SGCD: variants seen among roughly 807,000 people sequenced by gnomAD.
The protein encoded by SGCD is delta-sarcoglycan.
Under a neutral mutation model 36.6 loss-of-function variants are expected in SGCD, and 18 were observed. The observed-to-expected ratio is 0.49, with a 90% confidence interval of 0.34 to 0.73. The LOEUF is 0.73. SGCD is among the 30% of genes least tolerant of loss of function. SGCD has a pLI of 0.01. For synonymous variants in SGCD, 133 were observed against 130.6 expected, an observed-to-expected ratio of 1.02 and a Z score of -0.12; for missense variants, 387 against 346.7, an observed-to-expected ratio of 1.12 and a Z score of -0.92.
At chr5:156,684,576 T>C (rs1482161629) in intron 7 of SGCD, among the ~76,000 whole-genome samples, 1 of 152,204 alleles carries the variant, frequency 6.6e-6, no homozygotes, top group African/African-American at 2.4e-5. Flanking sequence ...TCATCTCCTT[T>C]TGTAAGGCTT....
At chr5:156,172,616 A>G (rs1581145743) in intron 3 of SGCD, among the ~76,000 whole-genome samples, 1 of 152,296 alleles carries the variant, frequency 6.6e-6, no homozygotes, top group East Asian at 1.9e-4. Context: ...ACTTTCTATC[A>G]AGTGAAATCC....
intron 3 of SGCD, among the ~76,000 whole-genome samples, chr5:156,285,162 T>G (rs1046654183): frequency 1.3e-5 from 2 of 151,952 alleles, no homozygotes; most frequent in Admixed American, 6.6e-5. Context: ...CACTGCTCAA[T>G]GAAATAAAAG....
chr5:155,787,906 A>T, the SGCD span, among the ~76,000 whole-genome samples: 1 of 151,986 alleles, frequency 6.6e-6, no homozygotes, highest in Non-Finnish European at 1.5e-5. Flanking sequence ...GCTTTTATAG[A>T]TTTTTTTCTC....
chr5:156,727,846 A>G (rs1156441954), intron 7 of SGCD, among the ~76,000 whole-genome samples: 1 of 152,206 alleles, frequency 6.6e-6, no homozygotes, highest in African/African-American at 2.4e-5. Context: ...ATACAAATTT[A>G]TTTTCAATGT....
In SGCD at chr5:156,760,497, G is replaced by A. The variant is rs1757480947; in HGVS notation, c.*1107G>A. The stretch of plus-strand genomic sequence containing the variant: ...TTTGTTCTTCTTATATATTTTTTCA[G>A]TGCCGGGATATTCATATTCCTAAAG... On this transcript the variant is annotated 3_prime_UTR_variant, in exon 9 of 9. Transcript: ENST00000337851. 1 of 152,142 alleles carries A rather than the reference G, an allele frequency of 6.6e-6. No individual in the cohort carries two copies. The highest frequency in any genetic ancestry group is 2.1e-4 in the South Asian group (1 of 4,808). The allele number at this position is 152,142 out of a possible 1,614,324, so 9.4% of individuals were successfully genotyped here. A position where few individuals can be genotyped will look rare whatever the true frequency, so the allele number is the denominator to read the frequency against.
intron 3 of SGCD, among the ~76,000 whole-genome samples, chr5:156,445,439 G>A (rs1034127579): frequency 6.6e-6 from 1 of 152,054 alleles, no homozygotes; most frequent in African/African-American, 2.4e-5. Context: ...AGGAAAAAAT[G>A]GGAAATACAA....
At chr5:156,441,716 A>G (rs571289269) in intron 3 of SGCD, among the ~76,000 whole-genome samples, 3 of 152,300 alleles carry the variant, frequency 2.0e-5, no homozygotes, top group South Asian at 4.1e-4. Context: ...GGTCACCTGT[A>G]TAAGTATAGA....
At chr5:155,938,638 T>C (rs1757264011) in intron 1 of SGCD, among the ~76,000 whole-genome samples, 1 of 152,200 alleles carries the variant, frequency 6.6e-6, no homozygotes, top group South Asian at 2.1e-4. Flanking sequence ...CTAGTAGCTG[T>C]TCCCCACTGT....
chr5:155,833,068 A>AAAAAG, the SGCD span, among the ~76,000 whole-genome samples: 12 of 142,674 alleles, frequency 8.4e-5, no homozygotes, highest in South Asian at 2.2e-4. Context: ...AAAAAAAAAA[A>AAAAAG]AAAGAAAAAA....
chr5:156,542,416 T>C (rs1277204865), intron 4 of SGCD, among the ~76,000 whole-genome samples: 1 of 152,208 alleles, frequency 6.6e-6, no homozygotes, highest in African/African-American at 2.4e-5. Context: ...TAGTCACCTT[T>C]GAATTCTACA....
intron 7 of SGCD, among the ~76,000 whole-genome samples, chr5:156,752,259 G>GCAAA (rs1413767319): frequency 1.3e-5 from 2 of 152,180 alleles, no homozygotes; most frequent in South Asian, 2.1e-4. Context: ...CAGGAAAACA[G>GCAAA]CAAACACAAA....
At chr5:156,445,370 G>A (rs1026724917) in intron 3 of SGCD, among the ~76,000 whole-genome samples, 1 of 152,034 alleles carries the variant, frequency 6.6e-6, no homozygotes, top group Non-Finnish European at 1.5e-5. Flanking sequence ...GAACCATAAG[G>A]TCAAAATGGT....
chr5:155,907,760 C>T (rs931553464), intron 1 of SGCD, among the ~76,000 whole-genome samples: 3 of 152,060 alleles, frequency 2.0e-5, no homozygotes, highest in Non-Finnish European at 2.9e-5. Context: ...GGTGAGGATG[C>T]TATGAACATT....
the SGCD span, among the ~76,000 whole-genome samples, chr5:155,811,282 GCAACAA>G: frequency 4.0e-5 from 6 of 151,782 alleles, no homozygotes; most frequent in Admixed American, 1.3e-4. Flanking sequence ...ATTCCACAGA[GCAACAA>G]CAACAACAAC....
chr5:156,444,081 T>TCC (rs1753629524), intron 3 of SGCD, among the ~76,000 whole-genome samples: 2 of 109,720 alleles, frequency 1.8e-5, no homozygotes, highest in South Asian at 3.7e-4. Context: ...TCTCTCTCTC[T>TCC]CTCTCTCTCT....
At chr5:156,324,678 C>T (rs973023133), upstream of SGCD, among the ~76,000 whole-genome samples, 2 of 152,054 alleles carry the variant, frequency 1.3e-5, no homozygotes, top group African/African-American at 2.4e-5. Context: ...GGCTGAGTAT[C>T]AGCTTGAGTT....
At chr5:156,733,853 C>A (rs1488774425) in intron 7 of SGCD, among the ~76,000 whole-genome samples, 1 of 152,166 alleles carries the variant, frequency 6.6e-6, no homozygotes, top group Non-Finnish European at 1.5e-5. Context: ...TTTCCTCCAT[C>A]CCTTTATTTT....
At chr5:156,123,816 T>C (rs1762107156) in intron 2 of SGCD, 1 of 152,136 alleles carries the variant, frequency 6.6e-6, no homozygotes, top group South Asian at 2.1e-4. Flanking sequence ...TTGTTTTTGT[T>C]TTTCTTTATG....
At chr5:156,567,016 T>C (rs749263361) in intron 4 of SGCD, among the ~76,000 whole-genome samples, 3 of 152,186 alleles carry the variant, frequency 2.0e-5, no homozygotes, top group Non-Finnish European at 4.4e-5. Context: ...TCTCATTAAG[T>C]TGACATCTGT....
Sources: allele counts gnomAD v4.1 joint callset (sites outside exome capture counted in the v4.1 genomes callset), GRCh38; gene constraint gnomAD v4.1.1; transcripts MANE v1.5; gene names NCBI Gene and HGNC (gene_info 2026-07-23, HGNC 2026-07-21).